The following PPP2R5C variants were observed in gnomAD, a reference collection of about 807,000 sequenced individuals.
PPP2R5C encodes the protein protein phosphatase 2 regulatory subunit B'gamma, also known as serine/threonine-protein phosphatase 2A 56 kDa regulatory subunit gamma isoform.
Under a neutral mutation model 68.9 loss-of-function variants are expected in PPP2R5C, and 7 were observed. The observed-to-expected ratio is 0.10, with a 90% CI of 0.06 to 0.19. The LOEUF (loss-of-function observed/expected upper bound fraction) is 0.19. PPP2R5C is among the 10% of genes least tolerant of loss of function. The pLI, the probability that PPP2R5C is intolerant of heterozygous loss-of-function variation, is 1.00. For synonymous variants in PPP2R5C, 210 were observed against 222.2 expected (o/e 0.95, Z 0.49); for missense variants, 348 against 641.3 (o/e 0.54, Z 4.94).
chr14:101,787,415 G>GATGGTGGATTT (rs1309051214), intron 3 of PPP2R5C, among the ~76,000 whole-genome samples: 2 of 148,956 alleles, frequency 1.3e-5, no homozygotes, highest in Non-Finnish European at 3.0e-5. Context: ...TGGGTGGGTG[G>GATGGTGGATTT]ATGGGTGGGT....
At chr14:101,908,461 C>T (rs2046189437) in intron 10 of PPP2R5C, among the ~76,000 whole-genome samples, 1 of 152,182 alleles carries the variant, frequency 6.6e-6, no homozygotes, top group South Asian at 2.1e-4. Flanking sequence ...GCAGCCTCCA[C>T]CTCCCAGGTT....
intron 8 of PPP2R5C, among the ~76,000 whole-genome samples, chr14:101,895,655 A>G (rs2045271010): frequency 6.6e-6 from 1 of 152,076 alleles, no homozygotes; most frequent in Non-Finnish European, 1.5e-5. Flanking sequence ...TTCATTCCTC[A>G]TCATGGTTGA....
chr14:101,786,942 A>G lies in PPP2R5C; in HGVS notation c.259+759A>G, dbSNP rs2038118300. Among the ~76,000 whole-genome samples the G allele has an allele frequency of 2.0e-5, 3 of 152,338 alleles. No individual in the cohort carries two copies. The South Asian group carries it at 6.2e-4, about 32-fold the overall frequency. On this transcript the variant is annotated intron_variant, in intron 3 of 14. Transcript: ENST00000328724. ...AAATTTATAATAATGGATCTTTTACAATTAATTTCCACTGAATATTAATTC... is the reference window on the plus strand; with the variant it reads ...AAATTTATAATAATGGATCTTTTACGATTAATTTCCACTGAATATTAATTC...
At chr14:101,859,690 A>G (rs1261660282) in intron 2 of PPP2R5C, among the ~76,000 whole-genome samples, 2 of 152,188 alleles carry the variant, frequency 1.3e-5, no homozygotes, top group Admixed American at 6.5e-5. Flanking sequence ...TTAAGCAACC[A>G]GTACAAGGCC....
intron 2 of PPP2R5C, 87 bp downstream of exon 4, chr14:101,856,972 C>A: frequency 7.9e-7 from 1 of 1,270,838 alleles, no homozygotes; most frequent in Non-Finnish European, 1.1e-6. Context: ...ACAGTGCTAC[C>A]CAGGAGAAGA....
intron 5 of PPP2R5C, chr14:101,889,663 T>C: frequency 7.7e-6 from 2 of 259,998 alleles, no homozygotes; most frequent in Non-Finnish European, 1.5e-5. Flanking sequence ...CTGTCGCAGA[T>C]GGGTGCTTCA....
intron 3 of PPP2R5C, among the ~76,000 whole-genome samples, chr14:101,802,612 A>G (rs1340824306): frequency 6.6e-6 from 1 of 152,150 alleles, no homozygotes; most frequent in Non-Finnish European, 1.5e-5. Flanking sequence ...CGACAAAAAT[A>G]AAAATAGATA....
intron 1 of PPP2R5C, among the ~76,000 whole-genome samples, chr14:101,833,761 G>A (rs1187926389): frequency 6.6e-6 from 1 of 152,156 alleles, no homozygotes; most frequent in Non-Finnish European, 1.5e-5. Flanking sequence ...AACATGACTA[G>A]GGGTTTTCAC....
intron 5 of PPP2R5C, among the ~76,000 whole-genome samples, chr14:101,886,659 G>A (rs994747477): frequency 7.3e-5 from 11 of 150,490 alleles, no homozygotes; most frequent in African/African-American, 2.4e-4. Flanking sequence ...TTCATGTGAG[G>A]AAAAAAAAAG....
exon 14 of PPP2R5C, chr14:101,925,404 T>A: frequency 7.2e-7 from 1 of 1,396,318 alleles, no homozygotes; most frequent in Non-Finnish European, 9.4e-7. Context: ...GGCAATAACG[T>A]GCGTCCGCCT....
chr14:101,794,684 T>C (rs1478313551), intron 3 of PPP2R5C, among the ~76,000 whole-genome samples: 1 of 152,230 alleles, frequency 6.6e-6, no homozygotes, highest in Non-Finnish European at 1.5e-5. Context: ...TAAGTTTCCC[T>C]TGTAGGTTTT....
At chr14:101,853,833 T>C (rs2042282874) in intron 1 of PPP2R5C, among the ~76,000 whole-genome samples, 1 of 152,154 alleles carries the variant, frequency 6.6e-6, no homozygotes, top group African/African-American at 2.4e-5. Flanking sequence ...CTTAACTGGC[T>C]ACTCCTTAGG....
At position 101,906,306 on chromosome 14, in the gene PPP2R5C, G is replaced by C. The variant is rs1809933095; in HGVS notation, c.1024-96G>C. The stretch of plus-strand genomic sequence containing the variant: ...AAATAATCATAATTTTCTGGTCCAA[G>C]GTAGTTCATTACCCGACTCACAGGT... On this transcript the variant is annotated intron_variant, in intron 9 of 13. Transcript: ENST00000334743. This position sits in a 1 kb window ranked among gnomAD's most constrained non-coding sequence, Gnocchi z 4.0. 1 of 1,309,796 alleles carries C rather than the reference G, an allele frequency of 7.6e-7. No homozygotes were observed. The highest frequency in any genetic ancestry group is 1.5e-5 in the African/African-American group (1 of 67,054). The allele number at this position is 1,309,796 out of a possible 1,614,324, so 81.1% of individuals were successfully genotyped here. A position where few individuals can be genotyped will look rare whatever the true frequency, so the allele number is the denominator to read the frequency against.
intron 1 of PPP2R5C, among the ~76,000 whole-genome samples, chr14:101,822,036 T>C (rs955635311): frequency 6.6e-5 from 10 of 151,900 alleles, no homozygotes; most frequent in African/African-American, 2.4e-4. Flanking sequence ...GTTGAAAACG[T>C]TGAGGTCTTA....
intron 2 of PPP2R5C, among the ~76,000 whole-genome samples, chr14:101,861,182 T>A (rs1214899499): frequency 1.3e-5 from 2 of 152,190 alleles, no homozygotes; most frequent in Non-Finnish European, 2.9e-5. Flanking sequence ...AGAGTTAAGG[T>A]TAGGGGTTGC....
At chr14:101,761,349 C>T (rs2036513935), upstream of PPP2R5C, among the ~76,000 whole-genome samples, 2 of 152,176 alleles carry the variant, frequency 1.3e-5, no homozygotes, top group South Asian at 4.1e-4. Context: ...GGCCCTGTCA[C>T]CGCAGTCGCA....
chr14:101,881,228 C>T (rs1260735770), intron 2 of PPP2R5C, among the ~76,000 whole-genome samples: 1 of 151,820 alleles, frequency 6.6e-6, no homozygotes, highest in Non-Finnish European at 1.5e-5. Flanking sequence ...GGTGAAATCC[C>T]ATCTCTACTA....
intron 3 of PPP2R5C, among the ~76,000 whole-genome samples, chr14:101,799,475 T>C (rs560016059): frequency 3.3e-5 from 5 of 152,300 alleles, no homozygotes; most frequent in Admixed American, 2.6e-4. Flanking sequence ...CGGGGATTTA[T>C]TGAAGGCAGC....
At chr14:101,894,204 A>G (rs942173282) in intron 7 of PPP2R5C, among the ~76,000 whole-genome samples, 4 of 152,238 alleles carry the variant, frequency 2.6e-5, no homozygotes, top group Non-Finnish European at 2.9e-5. Context: ...CCACTGTTAG[A>G]TGACTCGTTG....
Sources: allele counts gnomAD v4.1 joint callset (sites outside exome capture counted in the v4.1 genomes callset), GRCh38; gene constraint gnomAD v4.1.1; non-coding constraint Gnocchi (gnomAD v3.1); transcripts MANE v1.5; gene names NCBI Gene and HGNC (gene_info 2026-07-23, HGNC 2026-07-21).